Variants in PAH observed in about 807,000 individuals in gnomAD.
PAH encodes the protein phenylalanine-4-hydroxylase.
Under a neutral mutation model 62.0 loss-of-function variants are expected in PAH, and 64 were observed. The ratio of observed to expected loss-of-function variants is 1.03; its 90% CI spans 0.84 to 1.27. The LOEUF (loss-of-function observed/expected upper bound fraction) is 1.27, where lower values mean the gene tolerates loss of function less well. Ranked by LOEUF, PAH falls within the 50% of genes most tolerant of loss-of-function variation. The pLI, the probability that PAH is intolerant of heterozygous loss-of-function variation, is 0.00. For synonymous variants in PAH, 195 were observed against 196.2 expected, an observed-to-expected ratio of 0.99 and a Z score of 0.05; for missense variants, 579 against 542.8, an observed-to-expected ratio of 1.07 and a Z score of -0.66.
At chr12:102,927,012 A>G (rs1174065781) in intron 1 of PAH, among the ~76,000 whole-genome samples, 1 of 147,944 alleles carries the variant, frequency 6.8e-6, no homozygotes, top group African/African-American at 2.5e-5. Context: ...GACTATTACT[A>G]TGGTAGCAAA....
chr12:102,916,365 C>T (rs1014297303), intron 1 of PAH, among the ~76,000 whole-genome samples: 1 of 152,142 alleles, frequency 6.6e-6, no homozygotes, highest in African/African-American at 2.4e-5. Context: ...CAGACTTCCT[C>T]CCATGGGTAA....
chr12:102,880,190 C>A (rs1439442678), intron 3 of PAH, among the ~76,000 whole-genome samples: 1 of 152,118 alleles, frequency 6.6e-6, no homozygotes, highest in East Asian at 1.9e-4. Context: ...CCCGCCTTGT[C>A]ACCTACACTC....
rs189050408 is a variant in PAH, at chr12:102,941,539, A to G, written c.-96+9050T>C. Reference sequence around the variant, plus strand: ...TTCAGGCAAAACAGACTTTAAACCAACAATGATAAAAAATAATGAAGTAGA... The same window carrying G: ...TTCAGGCAAAACAGACTTTAAACCAGCAATGATAAAAAATAATGAAGTAGA... On this transcript the variant is annotated intron_variant, in intron 1 of 3. Coordinates refer to the PAH transcript ENST00000546844. 8.1e-4 allele frequency among the ~76,000 whole-genome samples: 123 copies of G among 152,294 alleles called. 1 individual carries two copies. In the East Asian group the frequency reaches 0.017, roughly 22 times the overall value.
rs555035482 is a variant in PAH, at chr12:102,889,173, A to G, written c.352+5562T>C. 2.0e-5 allele frequency among the ~76,000 whole-genome samples: 3 copies of G among 152,278 alleles called. No individual in the cohort carries two copies. The South Asian group carries it at 6.2e-4, about 32-fold the overall frequency. On this transcript the variant is annotated intron_variant, in intron 3 of 12. Coordinates refer to ENST00000553106, the MANE Select transcript of PAH (RefSeq NM_000277.3). ...AAAAATTATGCATGCACACCCATGT[A>G]TTATCTTGCCCACAATCCCAGGGGC...
intron 4 of PAH, among the ~76,000 whole-genome samples, chr12:102,873,939 G>A (rs1466813582): frequency 2.0e-5 from 3 of 152,044 alleles, no homozygotes; most frequent in Admixed American, 6.6e-5. Flanking sequence ...CTACAGTTTC[G>A]GAAACATGCA....
At chr12:102,949,040 A>G (rs542212545) in intron 1 of PAH, among the ~76,000 whole-genome samples, 3 of 152,050 alleles carry the variant, frequency 2.0e-5, no homozygotes, top group African/African-American at 7.2e-5. Context: ...GCAGGTGGCG[A>G]ACGACCCACA....
At chr12:102,876,606 T>C (rs904193172) in intron 4 of PAH, among the ~76,000 whole-genome samples, 2 of 152,184 alleles carry the variant, frequency 1.3e-5, no homozygotes, top group African/African-American at 4.8e-5. Flanking sequence ...TGCAAGTCAT[T>C]TAAAGATGAA....
chr12:102,943,724 T>A (rs544510973), intron 1 of PAH, among the ~76,000 whole-genome samples: 5 of 152,160 alleles, frequency 3.3e-5, no homozygotes, highest in African/African-American at 9.7e-5. Flanking sequence ...TGGAATATTA[T>A]ATCATAAAAA....
At chr12:102,881,701 T>A (rs1876819339) in intron 3 of PAH, among the ~76,000 whole-genome samples, 1 of 152,206 alleles carries the variant, frequency 6.6e-6, no homozygotes, top group African/African-American at 2.4e-5. Flanking sequence ...ATAAGTGAGA[T>A]CAAGCAGTAT....
intron 4 of PAH, among the ~76,000 whole-genome samples, chr12:102,876,091 G>T (rs1251379449): frequency 6.6e-6 from 1 of 151,556 alleles, no homozygotes; most frequent in Non-Finnish European, 1.5e-5. Flanking sequence ...ATTCACCTTT[G>T]TTTCTGTTGA....
At position 102,957,257 on chromosome 12, in the gene PAH, A is replaced by T. The variant is rs1220705939; in HGVS notation, c.-96+938T>A. Among the ~76,000 whole-genome samples the T allele has an allele frequency of 1.3e-5, 2 of 152,090 alleles. No homozygotes were observed. Among genetic ancestry groups the T allele is most frequent in the Non-Finnish European group, 2.9e-5 (2 of 68,014 alleles). Reference sequence around the variant, plus strand: ...GCGCTTTGCTTCAAGTTCTTAGTAGAATCCAAGAGAGCTTCACCCCAAGTC... The same window carrying T: ...GCGCTTTGCTTCAAGTTCTTAGTAGTATCCAAGAGAGCTTCACCCCAAGTC... On this transcript the variant is annotated intron_variant, in intron 1 of 4. Coordinates refer to the PAH transcript ENST00000551337. This position sits in a 1 kb window ranked among gnomAD's most constrained non-coding sequence, Gnocchi z 4.1.
At chr12:102,864,465 G>T (rs954078752) in intron 5 of PAH, among the ~76,000 whole-genome samples, 2 of 152,104 alleles carry the variant, frequency 1.3e-5, no homozygotes, top group Non-Finnish European at 2.9e-5. Context: ...GCTTTCCTGG[G>T]AAAAGCAGGA....
chr12:102,859,752 G>A (rs1375187831), intron 5 of PAH, among the ~76,000 whole-genome samples: 2 of 152,162 alleles, frequency 1.3e-5, no homozygotes, highest in Non-Finnish European at 2.9e-5. Context: ...ATGCAGAGAA[G>A]GCCTTTGACA....
chr12:102,957,917 TC>T lies in PAH; in HGVS notation c.-96+277del, dbSNP rs1873625642. 8.4e-6 allele frequency: 2 copies of T among 238,056 alleles called. No individual in the cohort carries two copies. Among genetic ancestry groups the T allele is most frequent in the African/African-American group, 4.5e-5 (2 of 44,146 alleles). 14.7% of individuals were successfully genotyped at this position (238,056 alleles called of 1,614,324 possible). A position where few individuals can be genotyped will look rare whatever the true frequency, so the allele number is the denominator to read the frequency against. ...TTGCTGCTGCTTCTGCTTTTTTTTT[TC>T]TTAGAAACAAGAAGGCGCCAGCGGC... On this transcript the variant is annotated intron_variant, in intron 1 of 4. Transcript: ENST00000551337. This position sits in a 1 kb window ranked among gnomAD's most constrained non-coding sequence, Gnocchi z 4.1.
At chr12:102,909,108 G>A (rs908655767) in intron 2 of PAH, among the ~76,000 whole-genome samples, 9 of 152,094 alleles carry the variant, frequency 5.9e-5, no homozygotes, top group African/African-American at 9.7e-5. Flanking sequence ...GATTACAGAC[G>A]TGAGCCACCG....
At chr12:102,850,447 C>T (rs777627929) in intron 8 of PAH, among the ~76,000 whole-genome samples, 1 of 152,124 alleles carries the variant, frequency 6.6e-6, no homozygotes, top group Non-Finnish European at 1.5e-5. Context: ...TTTATTTCTG[C>T]CAGCTGAGGG....
rs281865457 is a variant in PAH at position 102,843,576 on chromosome 12, C to T, written c.1199+70G>A. 6.4e-7 allele frequency: 1 copy of T among 1,558,832 alleles called. No individual in the cohort carries two copies. The highest frequency in any genetic ancestry group is 1.7e-5 in the Admixed American group (1 of 59,680). On this transcript the variant is annotated intron_variant, in intron 11 of 12. Transcript: ENST00000553106. ...CATTGGAGTCCACTCTCCTGGCCAA[C>T]CACCCACAGATGAGTGGCACCAGTC...
chr12:102,890,848 C>T (rs1055000745), intron 3 of PAH, among the ~76,000 whole-genome samples: 9 of 152,038 alleles, frequency 5.9e-5, no homozygotes, highest in Non-Finnish European at 1.3e-4. Context: ...TTTGGGAGGC[C>T]GAGGTGGGCG....
At chr12:102,927,280 GT>G (rs34781084) in intron 1 of PAH, among the ~76,000 whole-genome samples, 20,625 of 129,162 alleles carry the variant, frequency 0.16, 1,306 homozygotes, top group Middle Eastern at 0.19. Flanking sequence ...CTTCAAAAAA[GT>G]TTTTTTTTTT....
Sources: gnomAD v4.1 joint callset for allele counts (sites outside exome capture counted in the v4.1 genomes callset) on GRCh38, gnomAD v4.1.1 for gene constraint, Gnocchi (gnomAD v3.1) non-coding constraint, MANE v1.5 for transcripts, NCBI Gene and HGNC (gene_info 2026-07-23, HGNC 2026-07-21) for gene names.